The following SNW1 variants were observed in gnomAD, a reference collection of about 807,000 sequenced individuals.
SNW1 encodes the protein SNW domain containing 1, also known as SNW domain-containing protein 1.
In SNW1, 9 loss-of-function variants were observed where a neutral mutation model predicts 75.6. That is an observed-to-expected ratio of 0.12 (90% CI 0.07 to 0.21). SNW1 has a LOEUF of 0.21. Among genes scored for constraint, SNW1 ranks in the 10% least tolerant of loss-of-function variants. The pLI, the probability that SNW1 is intolerant of heterozygous loss-of-function variation, is 1.00. For synonymous variants in SNW1, 200 were observed against 219.1 expected (o/e 0.91, Z 0.77); for missense variants, 409 against 670.9 (o/e 0.61, Z 4.31).
intron 7 of SNW1, among the ~76,000 whole-genome samples, chr14:77,735,578 C>T (rs577074379): frequency 1.8e-4 from 27 of 152,188 alleles, no homozygotes; most frequent in Admixed American, 2.6e-4. Flanking sequence ...CCACCACGCC[C>T]GGCCGATGTG....
rs2080677038 is a variant in SNW1, at chr14:77,736,881, T to C, written c.638+90A>G. 44 of 908,412 alleles carry C rather than the reference T, an allele frequency of 4.8e-5. No individual in the cohort carries two copies. The South Asian group carries it at 5.8e-4, about 12-fold the overall frequency. The allele number at this position is 908,412 out of a possible 1,614,324, so 56.3% of individuals were successfully genotyped here. On this transcript the variant is annotated intron_variant, in intron 6 of 13. Coordinates refer to ENST00000261531, the MANE Select transcript of SNW1 (RefSeq NM_012245.3). ...TAAATGGAATCATACTGTATGTACTTGTTTTTGCCTGGCTTCTTTCACTCA... is the reference window on the plus strand; with the variant it reads ...TAAATGGAATCATACTGTATGTACTCGTTTTTGCCTGGCTTCTTTCACTCA...
Position 77,738,798 on chromosome 14 carries a change from C to T in SNW1, c.513G>A (p.Leu171=), listed in dbSNP as rs1566831372. The change falls in exon 5 of 14, where the codon TTG becomes TTA. Residue 171 remains leucine (L), a synonymous_variant. Coordinates refer to ENST00000261531, the MANE Select transcript of SNW1 (RefSeq NM_012245.3). Reference sequence around the variant, plus strand: ...CATACCGGATATACTGAGCAGGAGCCAATTTGTCAGCTGCTCGAACTGGCA... The same window carrying T: ...CATACCGGATATACTGAGCAGGAGCTAATTTGTCAGCTGCTCGAACTGGCA... The part of the protein sequence containing the change: ...AAMPVRAADK[L]APAQYIRYTP... The T allele has an allele frequency of 3.1e-6, 5 of 1,613,878 alleles. No individual in the cohort carries two copies. The highest frequency in any genetic ancestry group is 3.3e-5 in the Admixed American group (2 of 59,988).
Position 77,737,692 on chromosome 14 carries a change from A to C in SNW1, c.534-617T>G, listed in dbSNP as rs1392364351. ...TTAATTTCTAAAAACAAAAAATATA[A>C]TTTGAAAATAGCATAGGGCCAGGCC... is the stretch of plus-strand genomic sequence containing the variant. On this transcript the variant is annotated intron_variant, in intron 5 of 13. Transcript: ENST00000261531. Among the ~76,000 whole-genome samples the C allele has an allele frequency of 2.0e-5, 3 of 152,260 alleles. No individual in the cohort carries two copies. In the East Asian group the frequency reaches 5.8e-4, roughly 29 times the overall value.
At chr14:77,734,312 C>T (rs1241859711) in intron 8 of SNW1, among the ~76,000 whole-genome samples, 1 of 152,208 alleles carries the variant, frequency 6.6e-6, no homozygotes, top group Non-Finnish European at 1.5e-5. Context: ...TAATCTTTTA[C>T]ATCAGTTTAC....
In SNW1 at chr14:77,720,750, A is replaced by G. The variant is rs200185350; in HGVS notation, c.1209T>C (p.Asn403=). ...AGAGCCTTTGGTCATACTGAACTTC[A>G]TTGGAAGTCCGAGGATTAGGAACAC... The part of the protein sequence containing the change: ...ALGVPNPRTS[N]EVQYDQRLFN... Residue 403 remains asparagine, a synonymous_variant, in exon 12 of 14, where the codon AAT becomes AAC. Coordinates refer to ENST00000261531, the MANE Select transcript of SNW1 (RefSeq NM_012245.3). 1.1e-5 allele frequency: 18 copies of G among 1,613,750 alleles called. 1 individual carries two copies. The African/African-American group carries it at 1.2e-4, about 11-fold the overall frequency.
chr14:77,758,185 CCGGGCGTGGTGG>C (rs1408089926), intron 1 of SNW1, among the ~76,000 whole-genome samples: 1 of 151,868 alleles, frequency 6.6e-6, no homozygotes, highest in Non-Finnish European at 1.5e-5. Context: ...CAAAAATTAG[CCGGGCGTGGTGG>C]CGGACGCCTG....
In SNW1 at chr14:77,755,109, G is replaced by A. The variant is rs2080834320; in HGVS notation, c.26C>T (p.Ala9Val). 1 of 1,612,258 alleles carries A rather than the reference G, an allele frequency of 6.2e-7. No homozygotes were observed. The highest frequency in any genetic ancestry group is 8.5e-7 in the Non-Finnish European group (1 of 1,179,816). The change falls in exon 2 of 14, where the codon GCA becomes GTA. Residue 9 changes from alanine to valine, a missense_variant. Physicochemically the swap from Ala to Val is moderately conservative, Grantham distance 64. Coordinates refer to ENST00000261531, the MANE Select transcript of SNW1 (RefSeq NM_012245.3). MALTSFLPAPTQLSQDQLE... is the reference protein window; with the variant it reads MALTSFLPVPTQLSQDQLE... ...CTGGTCCTGAGATAGCTGAGTAGGT[G>A]CAGGTAAAAAGCTATAAGCAAAGAT...
chr14:77,749,393 A>G (rs956300726), intron 3 of SNW1, among the ~76,000 whole-genome samples: 13 of 152,220 alleles, frequency 8.5e-5, no homozygotes, highest in African/African-American at 2.9e-4. Context: ...AACTCCTGAA[A>G]CAAGCCTGAA....
chr14:77,739,119 T>C (rs1224073143), intron 3 of SNW1, 58 bp from the exon 4 acceptor site: 9 of 1,271,966 alleles, frequency 7.1e-6, no homozygotes, highest in Middle Eastern at 2.6e-4. Flanking sequence ...AGAAACCTCA[T>C]TAGCCATTTC....
intron 12 of SNW1, 70 bp downstream of exon 12, chr14:77,720,641 G>T: frequency 1.0e-6 from 1 of 985,364 alleles, no homozygotes; most frequent in Non-Finnish European, 1.6e-6. Context: ...TGTAAAGTAT[G>T]TTAATTTTCG....
chr14:77,758,021 T>C (rs79270014), intron 1 of SNW1, among the ~76,000 whole-genome samples: 18,629 of 82,340 alleles, frequency 0.23, 1,491 homozygotes, highest in African/African-American at 0.32. Flanking sequence ...TATCTATCTA[T>C]CTATTGCAAT....
At chr14:77,732,699 C>A in intron 8 of SNW1, 98 bp from the exon 9 acceptor site, 1 of 724,748 alleles carries the variant, frequency 1.4e-6, no homozygotes, top group Admixed American at 2.3e-5. Flanking sequence ...GAGTCTTGCT[C>A]TGTCACCCTG....
At chr14:77,735,749 A>G (rs2080665869) in intron 7 of SNW1, among the ~76,000 whole-genome samples, 188 bp downstream of exon 7, 1 of 152,226 alleles carries the variant, frequency 6.6e-6, no homozygotes, top group South Asian at 2.1e-4. Flanking sequence ...TTGCATTACT[A>G]ATAACAAAAC....
chr14:77,735,925 AG>A lies in SNW1; in HGVS notation c.708+11del, dbSNP rs1456221476. 1 of 1,610,826 alleles carries A rather than the reference AG, an allele frequency of 6.2e-7. No individual in the cohort carries two copies. The highest frequency in any genetic ancestry group is 8.5e-7 in the Non-Finnish European group (1 of 1,177,580). ...AGTAGAAAAAAATATTTTGGACTAC[AG>A]CAAAGAATACCTTTCGGCTAGGAGA... On this transcript the variant is annotated intron_variant, in intron 7 of 13. Transcript: ENST00000261531.
chr14:77,725,016 T>C (rs563161879), intron 10 of SNW1, among the ~76,000 whole-genome samples: 19 of 152,330 alleles, frequency 1.2e-4, no homozygotes, highest in African/African-American at 2.6e-4. Flanking sequence ...GCATCTATTA[T>C]TGCCTTTTTA....
At chr14:77,739,612 GAAAAA>G (rs545421992) in intron 3 of SNW1, among the ~76,000 whole-genome samples, 1 of 123,486 alleles carries the variant, frequency 8.1e-6, no homozygotes, top group Admixed American at 8.1e-5. Flanking sequence ...GAAGACAAAA[GAAAAA>G]AAAAAAGAAA....
In SNW1 at chr14:77,740,935, A is replaced by C. The variant is rs559595749; in HGVS notation, c.331-1874T>G. Among the ~76,000 whole-genome samples the C allele has an allele frequency of 2.6e-5, 4 of 152,038 alleles. No homozygotes were observed. In the South Asian group the frequency reaches 8.3e-4, roughly 32 times the overall value. On this transcript the variant is annotated intron_variant, in intron 3 of 13. Transcript: ENST00000261531. ...AACATGGTGAAACCCCGTCTCTCCC[A>C]AAAACAGAAAAATTAACCAGGCATG...
At chr14:77,743,256 A>G (rs2080733349) in intron 3 of SNW1, among the ~76,000 whole-genome samples, 2 of 146,394 alleles carry the variant, frequency 1.4e-5, no homozygotes, top group South Asian at 4.3e-4. Context: ...CACTTTCATA[A>G]TTAGGAAAAA....
chr14:77,755,947 C>T (rs1242991173), intron 1 of SNW1, among the ~76,000 whole-genome samples: 1 of 151,816 alleles, frequency 6.6e-6, no homozygotes, highest in African/African-American at 2.4e-5. Flanking sequence ...CCATGTTGGC[C>T]AGGCTGGTCT....
Sources: allele counts gnomAD v4.1 joint callset (sites outside exome capture counted in the v4.1 genomes callset), GRCh38; gene constraint gnomAD v4.1.1; transcripts MANE v1.5; gene names NCBI Gene and HGNC (gene_info 2026-07-23, HGNC 2026-07-21).